CSMD2: variants seen among roughly 807,000 people sequenced by gnomAD.
CSMD2 encodes the protein CUB and sushi domain-containing protein 2.
CSMD2 carries 130 observed loss-of-function variants against 398.5 expected under a neutral mutation model. The ratio of observed to expected loss-of-function variants is 0.33; its 90% CI spans 0.28 to 0.38. The LOEUF (loss-of-function observed/expected upper bound fraction) is 0.38, where lower values mean the gene tolerates loss of function less well. CSMD2 is among the 10% of genes least tolerant of loss of function. CSMD2 has a pLI of 1.00. For synonymous variants in CSMD2, 1,828 were observed against 1,908.5 expected (o/e 0.96, Z 1.10); for missense variants, 3,829 against 4,764.9 (o/e 0.80, Z 5.78).
chr1:33,966,143 C>G (rs1287635403), intron 3 of CSMD2, among the ~76,000 whole-genome samples: 1 of 152,186 alleles, frequency 6.6e-6, no homozygotes, highest in Non-Finnish European at 1.5e-5. Context: ...ACATGGCTCC[C>G]TGAACTTCCA....
intron 5 of CSMD2, among the ~76,000 whole-genome samples, chr1:33,894,656 T>C (rs1642259680): frequency 6.6e-6 from 1 of 152,094 alleles, no homozygotes; most frequent in East Asian, 1.9e-4. Flanking sequence ...ATGTCCCTCT[T>C]ATCTGCTAGT....
At chr1:33,826,077 G>C (rs1207401999) in intron 6 of CSMD2, among the ~76,000 whole-genome samples, 5 of 152,198 alleles carry the variant, frequency 3.3e-5, no homozygotes. Context: ...GATTTCACCA[G>C]ACCTACTGAA....
intron 32 of CSMD2, among the ~76,000 whole-genome samples, chr1:33,627,256 C>T (rs1642185733): frequency 6.6e-6 from 1 of 152,134 alleles, no homozygotes; most frequent in African/African-American, 2.4e-5. Flanking sequence ...GCACAGGAAA[C>T]CAGGGTAGAC....
intron 1 of CSMD2, among the ~76,000 whole-genome samples, chr1:34,135,069 G>A (rs553300960): frequency 6.6e-6 from 1 of 152,264 alleles, no homozygotes; most frequent in Admixed American, 6.5e-5. Flanking sequence ...CAAGCAATCT[G>A]TATTTTAACA....
chr1:33,549,137 A>G (rs1184441979), intron 56 of CSMD2, among the ~76,000 whole-genome samples: 3 of 152,176 alleles, frequency 2.0e-5, no homozygotes, highest in African/African-American at 7.2e-5. Flanking sequence ...CAGTGACCTA[A>G]CTTTTGGGAG....
At chr1:33,715,261 C>T (rs1646129224) in intron 20 of CSMD2, among the ~76,000 whole-genome samples, 1 of 152,092 alleles carries the variant, frequency 6.6e-6, no homozygotes, top group East Asian at 1.9e-4. Context: ...GGTCAGAATA[C>T]ATGACTTAGC....
intron 5 of CSMD2, chr1:33,863,022 C>T (rs1454556278): frequency 6.6e-6 from 1 of 152,166 alleles, no homozygotes; most frequent in Non-Finnish European, 1.5e-5. Flanking sequence ...CAGGATGAAG[C>T]ACAGGCTTAG....
chr1:33,565,785 C>A (rs1167797723), intron 53 of CSMD2, among the ~76,000 whole-genome samples: 1 of 151,740 alleles, frequency 6.6e-6, no homozygotes, highest in African/African-American at 2.4e-5. Context: ...TTTTAAAAAC[C>A]ACCATGAAAA....
At chr1:33,792,330 A>G in intron 11 of CSMD2, 93 bp downstream of exon 11, 2 of 815,226 alleles carry the variant, frequency 2.5e-6, no homozygotes, top group South Asian at 1.4e-5. Context: ...TTGCTGTAGT[A>G]TGGTCTAGGG....
chr1:33,905,081 A>T (rs972113928), intron 5 of CSMD2, among the ~76,000 whole-genome samples: 2 of 152,088 alleles, frequency 1.3e-5, no homozygotes, highest in Admixed American at 6.6e-5. Context: ...CTGAAACTAG[A>T]GGCACATGCC....
intron 1 of CSMD2, among the ~76,000 whole-genome samples, chr1:34,146,798 T>G (rs1639805391): frequency 6.6e-6 from 1 of 152,048 alleles, no homozygotes; most frequent in South Asian, 2.1e-4. Flanking sequence ...GTAAAGTTTC[T>G]GGGGGTGGGA....
intron 25 of CSMD2, among the ~76,000 whole-genome samples, chr1:33,673,658 G>T (rs939465511): frequency 3.3e-5 from 5 of 152,168 alleles, no homozygotes; most frequent in African/African-American, 1.2e-4. Context: ...ACACATAATT[G>T]TCAGATTCAC....
At chr1:33,769,336 G>A (rs1569837321) in intron 13 of CSMD2, among the ~76,000 whole-genome samples, 1 of 152,298 alleles carries the variant, frequency 6.6e-6, no homozygotes, top group East Asian at 1.9e-4. Flanking sequence ...TCCAATGCAT[G>A]GTGCTCAGCA....
intron 10 of CSMD2, among the ~76,000 whole-genome samples, chr1:33,808,205 C>T (rs77971813): frequency 0.099 from 15,053 of 152,042 alleles, 1,037 homozygotes; most frequent in East Asian, 0.27. Context: ...CCTCCCTCTG[C>T]CGTTGATTGA....
intron 33 of CSMD2, among the ~76,000 whole-genome samples, chr1:33,626,180 C>T (rs1402929187): frequency 1.3e-5 from 2 of 152,208 alleles, no homozygotes; most frequent in East Asian, 3.8e-4. Context: ...GATGCCTGGG[C>T]TGGTCTCTTC....
intron 3 of CSMD2, among the ~76,000 whole-genome samples, chr1:34,020,446 C>A (rs114997081): frequency 0.015 from 2,266 of 152,236 alleles, 63 homozygotes; most frequent in African/African-American, 0.052. Context: ...TGAGACGGGT[C>A]TCAGGCAGCA....
intron 4 of CSMD2, 144 bp from the exon 5 acceptor site, chr1:33,918,445 CTTTG>C: frequency 2.8e-6 from 2 of 717,750 alleles, no homozygotes; most frequent in South Asian, 3.8e-5. Context: ...CAGCAAATGA[CTTTG>C]TTTGGACAAG....
chr1:33,719,570 C>T (rs1050320913), intron 19 of CSMD2, among the ~76,000 whole-genome samples: 1 of 152,170 alleles, frequency 6.6e-6, no homozygotes, highest in African/African-American at 2.4e-5. Context: ...CACACAAATA[C>T]TTCACTTGAC....
rs1231431460 is a variant in CSMD2 at position 34,037,620 on chromosome 1, T to C, written c.405-4914A>G. Among the ~76,000 whole-genome samples the C allele has an allele frequency of 2.6e-5, 4 of 152,234 alleles. No individual in the cohort carries two copies. In the South Asian group the frequency reaches 8.3e-4, roughly 32 times the overall value. On this transcript the variant is annotated intron_variant, in intron 2 of 70. Coordinates refer to ENST00000373381, the MANE Select transcript of CSMD2 (RefSeq NM_001281956.2). ...GCAGCTGCAACTTGTCTCTCACCCATGTCTACCAGAATTATGCCCTTGGGT... is the reference window on the plus strand; with the variant it reads ...GCAGCTGCAACTTGTCTCTCACCCACGTCTACCAGAATTATGCCCTTGGGT...
Sources: gnomAD v4.1 joint callset for allele counts (sites outside exome capture counted in the v4.1 genomes callset) on GRCh38, gnomAD v4.1.1 for gene constraint, MANE v1.5 for transcripts, NCBI Gene and HGNC (gene_info 2026-07-23, HGNC 2026-07-21) for gene names.